AP1B1: variants seen among roughly 807,000 people sequenced by gnomAD.
AP1B1 encodes AP-1 complex subunit beta-1.
AP1B1 carries 36 observed loss-of-function variants against 104.3 expected under a neutral mutation model. The ratio of observed to expected loss-of-function variants is 0.35; its 90% CI spans 0.26 to 0.46. The LOEUF (loss-of-function observed/expected upper bound fraction) is 0.46, where lower values mean the gene tolerates loss of function less well. Among genes scored for constraint, AP1B1 ranks in the 20% least tolerant of loss-of-function variants. The probability of loss-of-function intolerance (pLI) is 1.00; values close to 1 mark genes in which losing one functional copy is unlikely to be tolerated. For missense variants in AP1B1, 901 were observed against 1,247.9 expected, an observed-to-expected ratio of 0.72 and a Z score of 4.19; for synonymous variants, 504 against 517.5, an observed-to-expected ratio of 0.97 and a Z score of 0.35.
intron 16 of AP1B1, among the ~76,000 whole-genome samples, chr22:29,334,978 AG>A (rs1266030521): frequency 6.6e-6 from 1 of 152,188 alleles, no homozygotes; most frequent in Non-Finnish European, 1.5e-5. Context: ...TTGTCATTCA[AG>A]TCTCAGCTCA....
At chr22:29,366,376 G>A (rs765573707) in intron 2 of AP1B1, among the ~76,000 whole-genome samples, 2 of 152,140 alleles carry the variant, frequency 1.3e-5, no homozygotes, top group Admixed American at 6.5e-5. Context: ...GGTGGCTCAC[G>A]CCTGTAATCC....
chr22:29,345,278 G>A (rs60976358), intron 11 of AP1B1, among the ~76,000 whole-genome samples: 4,578 of 148,240 alleles, frequency 0.031, 270 homozygotes, highest in African/African-American at 0.11. Context: ...GGTTGGTCTC[G>A]AACTCCTGGA....
At chr22:29,372,424 CAAAAAAA>C (rs695265) in intron 1 of AP1B1, among the ~76,000 whole-genome samples, 629 of 53,330 alleles carry the variant, frequency 0.012, 3 homozygotes, top group Non-Finnish European at 0.017. Context: ...AACTGGGTCT[CAAAAAAA>C]AAAAAAAAAA....
intron 1 of AP1B1, chr22:29,370,726 A>C (rs2062221379): frequency 6.6e-6 from 1 of 152,110 alleles, no homozygotes; most frequent in Non-Finnish European, 1.5e-5. Flanking sequence ...TTAAAAAAAA[A>C]GTGACAGAGC....
At chr22:29,382,465 G>C (rs989803871) in intron 1 of AP1B1, among the ~76,000 whole-genome samples, 1 of 152,164 alleles carries the variant, frequency 6.6e-6, no homozygotes, top group Non-Finnish European at 1.5e-5. Context: ...GAATGCAGGA[G>C]TGAAAGAAAC....
At chr22:29,368,187 A>G (rs2062174158) in intron 1 of AP1B1, among the ~76,000 whole-genome samples, 1 of 152,138 alleles carries the variant, frequency 6.6e-6, no homozygotes, top group African/African-American at 2.4e-5. Flanking sequence ...AATCTCAGTT[A>G]CTTGGGAGGG....
intron 19 of AP1B1, among the ~76,000 whole-genome samples, chr22:29,331,075 C>T (rs1602680958): frequency 1.3e-5 from 2 of 152,322 alleles, no homozygotes; most frequent in South Asian, 4.1e-4. Context: ...GGGCAGGGTG[C>T]AGGCCGTCTG....
rs1435319915 is a variant in AP1B1, at chr22:29,340,787, G to T, written c.1867C>A (p.Pro623Thr). The change falls in exon 14 of 23, where the codon CCC becomes ACC. Residue 623 changes from proline to threonine, a missense_variant. Around this residue, in one of 3 missense-constraint regions of AP1B1, gnomAD observed 424 missense variants for 494.0 expected, o/e 0.86. Transcript: ENST00000357586. The part of the protein sequence containing the change: ...APPGEQPDVI[P>T]AQGDLLGDLL... ...TCACCCAGCAGGTCGCCCTGGGCGG[G>T]GATGACATCTGGCTGCTCCCCAGGA... The T allele has an allele frequency of 6.2e-7, 1 of 1,600,746 alleles. No individual in the cohort carries two copies. Among genetic ancestry groups the T allele is most frequent in the South Asian group, 1.1e-5 (1 of 87,830 alleles).
chr22:29,364,023 C>G lies in AP1B1; in HGVS notation c.38-917G>C, dbSNP rs191438589. Among the ~76,000 whole-genome samples, 438 of 152,238 alleles carry G rather than the reference C, an allele frequency of 2.9e-3. 2 individuals carry two copies. The highest frequency in any genetic ancestry group is 3.9e-3 in the Non-Finnish European group (262 of 68,022). The stretch of plus-strand genomic sequence containing the variant: ...CTCTGCTCAGCCAGGGAGCTAAAAC[C>G]CCAGTGGAAGGCAAAGCTGTCCTCA... On this transcript the variant is annotated intron_variant, in intron 2 of 22. Coordinates refer to ENST00000357586, the MANE Select transcript of AP1B1 (RefSeq NM_001127.4).
chr22:29,330,639 G>C lies in AP1B1; in HGVS notation c.2595C>G (p.Asp865Glu), dbSNP rs1361177946. ...AGTCCTCACCTGCATTGAGGGGGCA[G>C]TCTCTGATCTGGAACTGGGCCTCAT... ...NENEAQFQIRDCPLNAEAASS... is the reference protein window; with the variant it reads ...NENEAQFQIRECPLNAEAASS... The change falls in exon 20 of 23, where the codon GAC becomes GAG. Residue 865 changes from aspartate (D) to glutamate (E), a missense_variant. Transcript: ENST00000357586. 1 of 1,613,806 alleles carries C rather than the reference G, an allele frequency of 6.2e-7. No homozygotes were observed. The highest frequency in any genetic ancestry group is 2.2e-5 in the East Asian group (1 of 44,894).
chr22:29,364,937 G>T (rs1315577845), intron 2 of AP1B1, among the ~76,000 whole-genome samples: 1 of 150,706 alleles, frequency 6.6e-6, no homozygotes, highest in Non-Finnish European at 1.5e-5. Flanking sequence ...TCAAACTCCT[G>T]ACCTCAGGTG....
rs2061995363 is a variant in AP1B1, at chr22:29,358,589, G to A, written c.525+137C>T. ...AGAGAGGGTGCCTGAACCACCAAAA[G>A]GCACAAGAACAACTGGCACCCCCAG... On this transcript the variant is annotated intron_variant, in intron 5 of 22. Transcript: ENST00000357586. 1.2e-5 allele frequency: 14 copies of A among 1,214,828 alleles called. No individual in the cohort carries two copies. The East Asian group carries it at 3.3e-4, about 29-fold the overall frequency. The allele number at this position is 1,214,828 out of a possible 1,614,324, so 75.3% of individuals were successfully genotyped here.
In AP1B1 at chr22:29,328,741, G is replaced by T; in HGVS notation, c.*80C>A. Reference sequence around the variant, plus strand: ...CCTGGAGCCCCGCCTGGTCCCTCCTGCGAGGAGGAAGATGTGCTGCCCCCG... The same window carrying T: ...CCTGGAGCCCCGCCTGGTCCCTCCTTCGAGGAGGAAGATGTGCTGCCCCCG... On this transcript the variant is annotated 3_prime_UTR_variant, in exon 23 of 23. Transcript: ENST00000357586. The surrounding 1 kb of genome is among the most constrained non-coding windows in gnomAD (Gnocchi z 4.1). The T allele has an allele frequency of 1.3e-6, 2 of 1,505,580 alleles. No homozygotes were observed. Among genetic ancestry groups the T allele is most frequent in the Non-Finnish European group, 1.8e-6 (2 of 1,114,316 alleles). The allele number at this position is 1,505,580 out of a possible 1,614,324, so 93.3% of individuals were successfully genotyped here.
chr22:29,377,859 A>C (rs1179672923), intron 1 of AP1B1, among the ~76,000 whole-genome samples: 2 of 151,982 alleles, frequency 1.3e-5, no homozygotes, highest in East Asian at 1.9e-4. Flanking sequence ...TGAAGGTTTT[A>C]ATATTATCAC....
intron 9 of AP1B1, 30 bp from the exon 10 acceptor site, chr22:29,350,180 G>C: frequency 6.3e-7 from 1 of 1,577,844 alleles, no homozygotes. Context: ...TGTGGGCGAG[G>C]TCCCCGCACC....
intron 7 of AP1B1, 35 bp from the exon 8 acceptor site, chr22:29,351,860 A>G (rs897649497): frequency 7.4e-6 from 12 of 1,612,782 alleles, no homozygotes; most frequent in Non-Finnish European, 1.0e-5. Context: ...AGAGCAAAAA[A>G]CAAGGCTTAA....
At chr22:29,372,033 A>C (rs2062247738) in intron 1 of AP1B1, among the ~76,000 whole-genome samples, 1 of 152,206 alleles carries the variant, frequency 6.6e-6, no homozygotes, top group Non-Finnish European at 1.5e-5. Context: ...GTCCTCTCTT[A>C]ATCTTAATAT....
At chr22:29,345,771 G>A (rs866203838) in intron 11 of AP1B1, among the ~76,000 whole-genome samples, 9 of 151,822 alleles carry the variant, frequency 5.9e-5, no homozygotes, top group South Asian at 2.1e-4. Context: ...CGCAACCTCC[G>A]CCTCCCGTGT....
In AP1B1 at chr22:29,328,782, G is replaced by A; in HGVS notation, c.*39C>T. On this transcript the variant is annotated 3_prime_UTR_variant, in exon 23 of 23. Coordinates refer to ENST00000357586, the MANE Select transcript of AP1B1 (RefSeq NM_001127.4). This position sits in a 1 kb window ranked among gnomAD's most constrained non-coding sequence, Gnocchi z 4.1. Reference sequence around the variant, plus strand: ...GCTGCCCCCGAGGGGCCTCCTCGATGGGGCGGGCAGAAGGCTGGGGTGGGC... The same window carrying A: ...GCTGCCCCCGAGGGGCCTCCTCGATAGGGCGGGCAGAAGGCTGGGGTGGGC... 6.3e-7 allele frequency: 1 copy of A among 1,586,130 alleles called. No homozygotes were observed. Among genetic ancestry groups the A allele is most frequent in the Non-Finnish European group, 8.5e-7 (1 of 1,169,684 alleles).
Sources: gnomAD v4.1 joint callset for allele counts (sites outside exome capture counted in the v4.1 genomes callset) on GRCh38, gnomAD v4.1.1 for gene constraint, gnomAD v4.1.1 regional missense constraint, Gnocchi (gnomAD v3.1) non-coding constraint, MANE v1.5 for transcripts, NCBI Gene and HGNC (gene_info 2026-07-23, HGNC 2026-07-21) for gene names.